Variants in UTP14A observed in about 807,000 individuals in gnomAD.
UTP14A encodes UTP14A small subunit processome component.
A neutral mutation model predicts 57.2 loss-of-function variants in UTP14A; 5 were observed. The ratio of observed to expected loss-of-function variants is 0.09; its 90% CI spans 0.05 to 0.18. UTP14A has a LOEUF of 0.18. Ranked by LOEUF, UTP14A falls within the 10% of genes least tolerant of loss-of-function variation. UTP14A has a pLI of 1.00. For missense variants in UTP14A, 430 were observed against 562.1 expected (o/e 0.76, Z 2.38); for synonymous variants, 169 against 210.9 (o/e 0.80, Z 1.72).
chrX:129,907,880 T>C (rs1190830688), intron 2 of UTP14A, among the ~76,000 whole-genome samples, 180 bp from the exon 3 acceptor site: 3 of 111,658 alleles, frequency 2.7e-5, no homozygotes, highest in East Asian at 2.8e-4. Flanking sequence ...GGCATGAACC[T>C]GGGAGGCGGA....
At position 129,925,580 on chromosome X, in the gene UTP14A, G is replaced by A. The variant is rs1360509891; in HGVS notation, c.1750-339G>A. Among the ~76,000 whole-genome samples, 4 of 111,953 alleles carry A rather than the reference G, an allele frequency of 3.6e-5. No individual in the cohort carries two copies. The East Asian group carries it at 8.4e-4, about 24-fold the overall frequency. On this transcript the variant is annotated intron_variant, in intron 12 of 14. Coordinates refer to ENST00000394422, the MANE Select transcript of UTP14A (RefSeq NM_006649.4). The stretch of plus-strand genomic sequence containing the variant: ...GTTAATCTGAAACTTAAAGTGAAGC[G>A]TCCTGGCACCTGTCTTTTCAGGGAT...
Position 129,921,953 on chromosome X carries a change from TCCATTCACAC to T in UTP14A, c.1348+368_1348+377del, listed in dbSNP as rs747046028. 769 of 154,509 alleles carry T rather than the reference TCCATTCACAC, an allele frequency of 5.0e-3. 2 individuals are homozygous for T. The highest frequency in any genetic ancestry group is 7.9e-3 in the Non-Finnish European group (641 of 81,277). The allele number at this position is 154,509 out of a possible 1,213,427, so 12.7% of individuals were successfully genotyped here. A position where few individuals can be genotyped will look rare whatever the true frequency, so the allele number is the denominator to read the frequency against. ...TATGGTAGAATGGCAAATCTGAAAG[TCCATTCACAC>T]CTGTAGACACAGATAGGTCAATTTT... On this transcript the variant is annotated intron_variant, in intron 11 of 14. Transcript: ENST00000394422.
rs200840740 is a variant in UTP14A at position 129,926,240 on chromosome X, G to A, written c.1944G>A (p.Arg648=). The part of the protein sequence containing the change: ...GLKPSAKKRR[R]FLIKAPEGPP... ...GATGTCCTGTTGTTTTGCTTTCCAG[G>A]TTTCTCATTAAAGCCCCTGAGGGTC... Residue 648 remains arginine (R), a splice_region_variant and synonymous_variant, in exon 14 of 15, where the codon CGG becomes CGA. Transcript: ENST00000394422. 79 of 1,209,644 alleles carry A rather than the reference G, an allele frequency of 6.5e-5. No homozygotes were observed. The Middle Eastern group carries it at 6.9e-4, about 11-fold the overall frequency.
At chrX:129,926,553 A>C (rs1447953817) in intron 14 of UTP14A, among the ~76,000 whole-genome samples, 2 of 112,335 alleles carry the variant, frequency 1.8e-5, no homozygotes, top group Non-Finnish European at 3.8e-5. Context: ...GAGTCAAGGT[A>C]ATGCTCAAAC....
At chrX:129,927,349 T>A (rs1930143212) in intron 14 of UTP14A, among the ~76,000 whole-genome samples, 1 of 111,749 alleles carries the variant, frequency 8.9e-6, no homozygotes, top group Non-Finnish European at 1.9e-5. Context: ...TCTTTTTCTG[T>A]TGCCCTGGTT....
intron 12 of UTP14A, 125 bp from the exon 13 acceptor site, chrX:129,925,794 A>G: frequency 1.2e-6 from 1 of 859,521 alleles, no homozygotes. Flanking sequence ...TTTGTATCGC[A>G]AGACCATCAT....
intron 3 of UTP14A, chrX:129,908,382 A>C: frequency 4.9e-6 from 2 of 408,530 alleles, no homozygotes; most frequent in South Asian, 9.4e-5. Flanking sequence ...AAATAAATTT[A>C]CTTACCCCCA....
In UTP14A at chrX:129,929,448, C is replaced by T. The variant is rs375518568; in HGVS notation, c.2156C>T (p.Pro719Leu). 6.9e-5 allele frequency: 83 copies of T among 1,209,861 alleles called. No homozygotes were observed. Among genetic ancestry groups the T allele is most frequent in the Non-Finnish European group, 8.8e-5 (79 of 895,255 alleles). The change falls in exon 15 of 15, where the codon CCC (proline) becomes CTC (leucine). Residue 719 changes from proline (P) to leucine (L), a missense_variant. Pro to Leu is a moderately conservative substitution (Grantham distance 98). This residue lies in a region of UTP14A where 82 missense variants were observed against 151.4 expected (regional missense o/e 0.54). Transcript: ENST00000394422. ...TQRAFQKLTT[P>L]KVVTKPGHII... ...AGGGCTTTCCAAAAGCTGACTACTC[C>T]CAAGGTCGTCACCAAGCCAGGCCAT...
At chrX:129,912,201 C>T (rs912583888) in intron 6 of UTP14A, among the ~76,000 whole-genome samples, 3 of 109,283 alleles carry the variant, frequency 2.7e-5, no homozygotes, top group African/African-American at 1.0e-4. Context: ...CAACCTCTGC[C>T]TCCTGGGTTC....
intron 6 of UTP14A, 57 bp from the exon 7 acceptor site, chrX:129,919,118 G>C (rs1209206323): frequency 8.3e-7 from 1 of 1,206,126 alleles, no homozygotes; most frequent in African/African-American, 1.8e-5. Context: ...GGAATGTAAA[G>C]AGAGAAAGCT....
chrX:129,929,130 C>G (rs1930223441), intron 14 of UTP14A, among the ~76,000 whole-genome samples: 1 of 111,683 alleles, frequency 9.0e-6, no homozygotes, highest in African/African-American at 3.3e-5. Flanking sequence ...AACTCAGGCC[C>G]CCCTACTCCC....
Position 129,919,269 on chromosome X carries a change from C to A in UTP14A, c.632C>A (p.Ser211Tyr), listed in dbSNP as rs201033786. The A allele has an allele frequency of 8.3e-7, 1 of 1,211,828 alleles. No individual in the cohort carries two copies. The highest frequency in any genetic ancestry group is 1.8e-5 in the South Asian group (1 of 56,979). Residue 211 changes from serine to tyrosine, a missense_variant, in exon 7 of 15, where the codon TCT (serine) becomes TAT (tyrosine). Physicochemically the swap from Ser to Tyr is moderately radical, Grantham distance 144. Coordinates refer to ENST00000394422, the MANE Select transcript of UTP14A (RefSeq NM_006649.4). ...TTACTGACCCCTGTGGAAAAGGCCT[C>A]TCTCCGAGCCATGAGCCTAGAAGAG... ...DPLLTPVEKA[S>Y]LRAMSLEEAK...
At chrX:129,912,696 C>T (rs1204962786) in intron 6 of UTP14A, among the ~76,000 whole-genome samples, 1 of 110,972 alleles carries the variant, frequency 9.0e-6, no homozygotes, top group Non-Finnish European at 1.9e-5. Context: ...CTGGCAATGA[C>T]TAGAACTTCA....
chrX:129,922,691 A>G (rs1929960940), intron 11 of UTP14A: 1 of 108,789 alleles, frequency 9.2e-6, no homozygotes, highest in South Asian at 3.9e-4. Context: ...TGTTAGGATT[A>G]CAAGTGTGAG....
In UTP14A at chrX:129,906,317, C is replaced by T; in HGVS notation, c.26+81C>T. ...CAGCTTTTGGGAAATGGGAGCCCCC[C>T]CTTTAACAGATGGCAGTGGTTCCCC... On this transcript the variant is annotated intron_variant, in intron 1 of 14. Transcript: ENST00000394422. 6 of 980,596 alleles carry T rather than the reference C, an allele frequency of 6.1e-6. No individual in the cohort carries two copies. In the Admixed American group the frequency reaches 7.3e-5, roughly 12 times the overall value. 80.8% of individuals were successfully genotyped at this position (980,596 alleles called of 1,213,427 possible).
intron 14 of UTP14A, among the ~76,000 whole-genome samples, chrX:129,926,822 G>A (rs910978970): frequency 2.7e-5 from 3 of 112,003 alleles, no homozygotes; most frequent in Admixed American, 9.5e-5. Flanking sequence ...ACTCAAGAAC[G>A]AGATTGGACT....
intron 2 of UTP14A, among the ~76,000 whole-genome samples, chrX:129,907,828 C>T (rs898014005): frequency 3.6e-5 from 4 of 111,222 alleles, no homozygotes; most frequent in Admixed American, 2.9e-4. Context: ...TGGTGGCAGG[C>T]GCCTGTAGTC....
At chrX:129,915,548 A>G (rs1230126835) in intron 6 of UTP14A, among the ~76,000 whole-genome samples, 1 of 107,654 alleles carries the variant, frequency 9.3e-6, no homozygotes. Context: ...AAAAAAGGCT[A>G]TGAAACAATG....
At chrX:129,924,080 C>T (rs1020599222) in intron 11 of UTP14A, among the ~76,000 whole-genome samples, 1 of 108,325 alleles carries the variant, frequency 9.2e-6, no homozygotes, top group Admixed American at 9.9e-5. Context: ...GCTTAGCCTC[C>T]CAAGTAGGTG....
Sources: gnomAD v4.1 joint callset for allele counts (sites outside exome capture counted in the v4.1 genomes callset) on GRCh38, gnomAD v4.1.1 for gene constraint, gnomAD v4.1.1 regional missense constraint, MANE v1.5 for transcripts, NCBI Gene and HGNC (gene_info 2026-07-23, HGNC 2026-07-21) for gene names.